The following SLC25A21 variants were observed in gnomAD, a reference collection of about 807,000 sequenced individuals.
The protein encoded by SLC25A21 is solute carrier family 25 member 21, also known as mitochondrial 2-oxodicarboxylate carrier.
SLC25A21 carries 47 observed loss-of-function variants against 43.8 expected under a neutral mutation model. That is an observed-to-expected ratio of 1.07 (90% CI 0.85 to 1.37). The LOEUF (loss-of-function observed/expected upper bound fraction) is 1.37. Among genes scored for constraint, SLC25A21 ranks in the 40% most tolerant of loss-of-function variants. SLC25A21 has a pLI of 0.00. For missense variants in SLC25A21, 352 were observed against 350.2 expected, an observed-to-expected ratio of 1.00 and a Z score of -0.04; for synonymous variants, 131 against 121.3, an observed-to-expected ratio of 1.08 and a Z score of -0.52.
chr14:37,034,308 C>T (rs946150566), intron 1 of SLC25A21, among the ~76,000 whole-genome samples: 3 of 152,086 alleles, frequency 2.0e-5, no homozygotes, highest in African/African-American at 4.8e-5. Flanking sequence ...CATGAGCCAC[C>T]GTGCTTGGCC....
At chr14:36,957,732 G>A (rs1458588155) in intron 1 of SLC25A21, among the ~76,000 whole-genome samples, 1 of 152,180 alleles carries the variant, frequency 6.6e-6, no homozygotes, top group African/African-American at 2.4e-5. Flanking sequence ...TATTTTTGAT[G>A]AGAAAAAAGT....
At chr14:36,978,344 A>G (rs995464420) in intron 1 of SLC25A21, among the ~76,000 whole-genome samples, 4 of 152,254 alleles carry the variant, frequency 2.6e-5, no homozygotes, top group Admixed American at 6.5e-5. Context: ...TGTTTACACT[A>G]TACTATAGTC....
intron 1 of SLC25A21, among the ~76,000 whole-genome samples, chr14:37,115,385 G>A (rs1370354471): frequency 2.0e-5 from 3 of 152,122 alleles, no homozygotes; most frequent in Non-Finnish European, 2.9e-5. Context: ...AACAACAACA[G>A]GAATTTGTTT....
chr14:37,004,018 C>T (rs1015036365), intron 1 of SLC25A21, among the ~76,000 whole-genome samples: 4 of 152,024 alleles, frequency 2.6e-5, no homozygotes, highest in East Asian at 1.9e-4. Context: ...AGAACTCACC[C>T]GATTTGAACT....
chr14:36,892,179 G>T (rs777544465), intron 1 of SLC25A21, among the ~76,000 whole-genome samples: 2 of 152,116 alleles, frequency 1.3e-5, no homozygotes, highest in African/African-American at 2.4e-5. Context: ...CAGCCATTAT[G>T]AAAAATAGTA....
intron 2 of SLC25A21, among the ~76,000 whole-genome samples, chr14:36,868,684 C>T (rs712378): frequency 0.37 from 56,154 of 152,034 alleles, 10,638 homozygotes; most frequent in East Asian, 0.43. Flanking sequence ...TTCTCCAAAC[C>T]CTTCAAAAAC....
At chr14:36,983,592 T>C (rs990929254) in intron 1 of SLC25A21, among the ~76,000 whole-genome samples, 27 of 152,194 alleles carry the variant, frequency 1.8e-4, no homozygotes, top group African/African-American at 6.3e-4. Context: ...TTTCTCAAAG[T>C]ACTAAAACAG....
intron 2 of SLC25A21, among the ~76,000 whole-genome samples, chr14:36,841,840 G>T (rs745736991): frequency 6.6e-6 from 1 of 152,176 alleles, no homozygotes; most frequent in Non-Finnish European, 1.5e-5. Flanking sequence ...GGCAAGTGAG[G>T]CCAAGGCACT....
intron 1 of SLC25A21, among the ~76,000 whole-genome samples, chr14:37,054,587 A>T (rs1286121831): frequency 6.6e-6 from 1 of 152,192 alleles, no homozygotes; most frequent in African/African-American, 2.4e-5. Flanking sequence ...TGGTAGTGGC[A>T]TATGAAGGGC....
At chr14:37,084,755 A>G (rs1328162559) in intron 1 of SLC25A21, among the ~76,000 whole-genome samples, 1 of 152,174 alleles carries the variant, frequency 6.6e-6, no homozygotes, top group Non-Finnish European at 1.5e-5. Flanking sequence ...CCAACTCCTT[A>G]GTTGCTATAG....
At chr14:36,859,145 T>C (rs1889991076) in intron 2 of SLC25A21, among the ~76,000 whole-genome samples, 2 of 152,210 alleles carry the variant, frequency 1.3e-5, no homozygotes, top group Non-Finnish European at 2.9e-5. Context: ...AAACCCTGCT[T>C]GACACCGCTA....
At chr14:36,748,293 T>G (rs906977438) in intron 3 of SLC25A21, among the ~76,000 whole-genome samples, 2 of 152,224 alleles carry the variant, frequency 1.3e-5, no homozygotes, top group African/African-American at 4.8e-5. Flanking sequence ...CTGTTTGGTT[T>G]CTGCACGGAG....
chr14:36,788,105 G>A (rs997364607), intron 3 of SLC25A21, among the ~76,000 whole-genome samples: 15 of 152,112 alleles, frequency 9.9e-5, no homozygotes, highest in Non-Finnish European at 1.9e-4. Context: ...GAATAAAATG[G>A]CCACTTTTTA....
chr14:36,684,737 A>G lies in SLC25A21; in HGVS notation c.785+7T>C. On this transcript the variant is annotated splice_region_variant and intron_variant, in intron 8 of 9. Coordinates refer to ENST00000331299, the MANE Select transcript of SLC25A21 (RefSeq NM_030631.4). ...ACATTTATTAAAATAAGAATGTGTT[A>G]TGTTACCCTTCTTCCTGATAGACTG... 6.2e-7 allele frequency: 1 copy of G among 1,600,026 alleles called. No homozygotes were observed. Among genetic ancestry groups the G allele is most frequent in the Admixed American group, 1.7e-5 (1 of 57,652 alleles).
chr14:36,990,846 G>GCTCCAGCCTGAA (rs142180550), intron 1 of SLC25A21, among the ~76,000 whole-genome samples: 2 of 151,594 alleles, frequency 1.3e-5, no homozygotes, highest in African/African-American at 2.4e-5. Flanking sequence ...GCACCACTGC[G>GCTCCAGCCTGAA]CTCCAGCCTG....
At chr14:36,941,187 G>A (rs1892548167) in intron 1 of SLC25A21, among the ~76,000 whole-genome samples, 1 of 151,836 alleles carries the variant, frequency 6.6e-6, no homozygotes, top group African/African-American at 2.4e-5. Flanking sequence ...ATGTGATCAG[G>A]GACAGCAATG....
intron 1 of SLC25A21, among the ~76,000 whole-genome samples, chr14:36,876,549 T>A (rs1042224629): frequency 6.6e-6 from 1 of 152,094 alleles, no homozygotes; most frequent in Non-Finnish European, 1.5e-5. Flanking sequence ...GCTTTATTAT[T>A]AAGCCCTGTT....
At chr14:36,983,253 C>T (rs17105858) in intron 1 of SLC25A21, among the ~76,000 whole-genome samples, 66,315 of 152,016 alleles carry the variant, frequency 0.44, 18,019 homozygotes, top group African/African-American at 0.78. Context: ...TCTCAGAGCA[C>T]TGCTTCTTTC....
chr14:36,940,932 G>C (rs1262451561), intron 1 of SLC25A21, among the ~76,000 whole-genome samples: 2 of 152,060 alleles, frequency 1.3e-5, no homozygotes, highest in Non-Finnish European at 2.9e-5. Context: ...TTCTGAGACT[G>C]AACTTAAAAA....
Sources: gnomAD v4.1 joint callset for allele counts (sites outside exome capture counted in the v4.1 genomes callset) on GRCh38, gnomAD v4.1.1 for gene constraint, MANE v1.5 for transcripts, NCBI Gene and HGNC (gene_info 2026-07-23, HGNC 2026-07-21) for gene names.